Variants in NEK4 observed in about 807,000 individuals in gnomAD.
The protein encoded by NEK4 is serine/threonine-protein kinase Nek4.
A neutral mutation model predicts 98.4 loss-of-function variants in NEK4; 86 were observed. That is an observed-to-expected ratio of 0.87 (90% CI 0.73 to 1.05). The LOEUF (loss-of-function observed/expected upper bound fraction) is 1.05, where lower values mean the gene tolerates loss of function less well. Among genes scored for constraint, NEK4 ranks in the 50% least tolerant of loss-of-function variants. NEK4 has a pLI of 0.00. For synonymous variants in NEK4, 328 were observed against 342.2 expected, an observed-to-expected ratio of 0.96 and a Z score of 0.46; for missense variants, 898 against 950.3, an observed-to-expected ratio of 0.94 and a Z score of 0.72.
intron 15 of NEK4, among the ~76,000 whole-genome samples, chr3:52,726,031 C>T (rs1023353820): frequency 1.3e-5 from 2 of 151,570 alleles, no homozygotes; most frequent in African/African-American, 4.9e-5. Context: ...AAAAATATTC[C>T]ACATAAATTG....
At chr3:52,730,102 A>G (rs1354433386) in intron 15 of NEK4, among the ~76,000 whole-genome samples, 2 of 152,204 alleles carry the variant, frequency 1.3e-5, no homozygotes, top group African/African-American at 4.8e-5. Context: ...GCGAGACTCT[A>G]TCTCAAAAAT....
intron 13 of NEK4, among the ~76,000 whole-genome samples, chr3:52,740,081 A>G (rs1337689437): frequency 1.3e-5 from 2 of 152,244 alleles, no homozygotes; most frequent in Non-Finnish European, 2.9e-5. Context: ...ACTCAAGTAC[A>G]AAGCTCAAGA....
chr3:52,722,181 G>A (rs890072443), intron 15 of NEK4, among the ~76,000 whole-genome samples: 4 of 152,170 alleles, frequency 2.6e-5, no homozygotes, highest in Admixed American at 1.3e-4. Context: ...TAAGGTAGGG[G>A]GACCACCCTC....
chr3:52,729,892 C>T (rs546134101), intron 15 of NEK4, among the ~76,000 whole-genome samples: 10 of 152,020 alleles, frequency 6.6e-5, no homozygotes, highest in South Asian at 4.1e-4. Context: ...AGGTGGATCA[C>T]GAGGTCAGGA....
At chr3:52,754,698 A>T (rs989790973) in intron 6 of NEK4, 7 of 559,536 alleles carry the variant, frequency 1.3e-5, no homozygotes, top group Non-Finnish European at 2.5e-5. Flanking sequence ...AACTTAAGAG[A>T]TGGTGAATCT....
chr3:52,731,993 G>A (rs75893028), intron 15 of NEK4, among the ~76,000 whole-genome samples: 2,946 of 152,274 alleles, frequency 0.019, 102 homozygotes, highest in African/African-American at 0.067. Context: ...CTGCTGCCAC[G>A]TAAGACGTGT....
intron 6 of NEK4, among the ~76,000 whole-genome samples, chr3:52,756,121 A>G (rs2097414732): frequency 6.6e-6 from 1 of 152,144 alleles, no homozygotes; most frequent in African/African-American, 2.4e-5. Flanking sequence ...CTCTTTTTAC[A>G]TTTGGGCATC....
chr3:52,739,700 C>T lies in NEK4; in HGVS notation c.2094-66G>A, dbSNP rs1196487920. 46 of 1,373,828 alleles carry T rather than the reference C, an allele frequency of 3.3e-5. No individual in the cohort carries two copies. In the East Asian group the frequency reaches 6.2e-4, roughly 18 times the overall value. The allele number at this position is 1,373,828 out of a possible 1,614,324, so 85.1% of individuals were successfully genotyped here. A position where few individuals can be genotyped will look rare whatever the true frequency, so the allele number is the denominator to read the frequency against. On this transcript the variant is annotated intron_variant, in intron 13 of 15. Transcript: ENST00000233027. Reference sequence around the variant, plus strand: ...ATGAGAATTTTTCATTAAAAAATTACGTGCAAAACGACCTTTCGGGAATTA... The same window carrying T: ...ATGAGAATTTTTCATTAAAAAATTATGTGCAAAACGACCTTTCGGGAATTA...
rs763858832 is a variant in NEK4 at position 52,760,818 on chromosome 3, C to G, written c.940G>C (p.Glu314Gln). 3 of 1,610,070 alleles carry G rather than the reference C, an allele frequency of 1.9e-6. No homozygotes were observed. In the South Asian group the frequency reaches 3.3e-5, roughly 18 times the overall value. Residue 314 changes from glutamate (E) to glutamine (Q), a missense_variant, in exon 6 of 16, where the codon GAG (glutamate) becomes CAG (glutamine). Transcript: ENST00000233027. ...ACCATTATATATGTCTGGGAGCCCTCAGAAGAGAGTGGTTGGGGGTGGATT... is the reference window on the plus strand; with the variant it reads ...ACCATTATATATGTCTGGGAGCCCTGAGAAGAGAGTGGTTGGGGGTGGATT... Reference protein sequence around the residue: ...EVIHPQPLSSEGSQTYIMGEG... With the variant: ...EVIHPQPLSSQGSQTYIMGEG...
chr3:52,737,786 A>G (rs1480157171), intron 14 of NEK4, 67 bp from the exon 15 acceptor site: 2 of 1,116,118 alleles, frequency 1.8e-6, no homozygotes, highest in East Asian at 5.1e-5. Context: ...GAACACTGCA[A>G]TTTTTTAAAA....
At chr3:52,742,363 GC>G (rs917680588) in intron 12 of NEK4, among the ~76,000 whole-genome samples, 1 of 151,780 alleles carries the variant, frequency 6.6e-6, no homozygotes, top group Non-Finnish European at 1.5e-5. Flanking sequence ...AAGCCACCAT[GC>G]CCAGCTTCAG....
chr3:52,754,740 G>C, intron 6 of NEK4: 2 of 453,588 alleles, frequency 4.4e-6, no homozygotes, highest in South Asian at 3.5e-5. Flanking sequence ...CTGGACTCTG[G>C]ACTAGTTCAA....
chr3:52,724,802 G>A (rs1025457640), intron 15 of NEK4, among the ~76,000 whole-genome samples: 1 of 152,150 alleles, frequency 6.6e-6, no homozygotes, highest in African/African-American at 2.4e-5. Flanking sequence ...AAATTGCTAA[G>A]AGAATTTCAA....
chr3:52,759,865 T>A (rs540968301), intron 6 of NEK4, among the ~76,000 whole-genome samples: 18 of 152,270 alleles, frequency 1.2e-4, no homozygotes, highest in African/African-American at 4.3e-4. Flanking sequence ...TAAACAGTGG[T>A]ATATCCACAT....
At chr3:52,769,972 G>A (rs1698715508) in intron 1 of NEK4, among the ~76,000 whole-genome samples, 1 of 152,202 alleles carries the variant, frequency 6.6e-6, no homozygotes, top group South Asian at 2.1e-4. Flanking sequence ...GGAAACCGTG[G>A]CCATAGCTTT....
chr3:52,734,754 A>C (rs1269069191), intron 15 of NEK4: 2 of 213,888 alleles, frequency 9.4e-6, no homozygotes, highest in Non-Finnish European at 1.9e-5. Context: ...ACCAGTGGCC[A>C]AGTCTACAAC....
At chr3:52,766,480 C>T (rs1043976489) in intron 2 of NEK4, 105 bp from the exon 3 acceptor site, 5 of 766,076 alleles carry the variant, frequency 6.5e-6, no homozygotes, top group Admixed American at 2.3e-5. Flanking sequence ...GAGTCTTTGA[C>T]CGTAAAGAGT....
intron 15 of NEK4, among the ~76,000 whole-genome samples, chr3:52,720,534 A>G (rs931285566): frequency 5.9e-5 from 9 of 152,226 alleles, no homozygotes; most frequent in African/African-American, 2.2e-4. Flanking sequence ...CAAGATGAAA[A>G]TAACTCATCA....
At chr3:52,739,261 T>A (rs901876477) in intron 14 of NEK4, among the ~76,000 whole-genome samples, 168 bp downstream of exon 14, 4 of 151,964 alleles carry the variant, frequency 2.6e-5, no homozygotes, top group African/African-American at 4.8e-5. Context: ...TACCCGGGCA[T>A]GGTGGTGCAT....
Sources: gnomAD v4.1 joint callset for allele counts (sites outside exome capture counted in the v4.1 genomes callset) on GRCh38, gnomAD v4.1.1 for gene constraint, MANE v1.5 for transcripts, NCBI Gene and HGNC (gene_info 2026-07-23, HGNC 2026-07-21) for gene names.